The following TMEM268 variants were observed in gnomAD, a reference collection of about 807,000 sequenced individuals.
The protein encoded by TMEM268 is transmembrane protein C9orf91.
TMEM268 carries 24 observed loss-of-function variants against 39.1 expected under a neutral mutation model. The ratio of observed to expected loss-of-function variants is 0.61; its 90% CI spans 0.44 to 0.86. The LOEUF is 0.86. Ranked by LOEUF, TMEM268 falls within the 40% of genes least tolerant of loss-of-function variation. The pLI is 0.00. For synonymous variants in TMEM268, 176 were observed against 173.5 expected, an observed-to-expected ratio of 1.01 and a Z score of -0.12; for missense variants, 409 against 428.6, an observed-to-expected ratio of 0.95 and a Z score of 0.40.
At chr9:114,613,693 G>A (rs1845593626) in intron 1 of TMEM268, among the ~76,000 whole-genome samples, 1 of 152,230 alleles carries the variant, frequency 6.6e-6, no homozygotes, top group Non-Finnish European at 1.5e-5. Flanking sequence ...GGGCTGACTT[G>A]CATTTGTTGC....
chr9:114,643,016 A>G, intron 8 of TMEM268, 118 bp from the exon 9 acceptor site: 1 of 1,036,216 alleles, frequency 9.7e-7, no homozygotes, highest in Non-Finnish European at 1.4e-6. Context: ...TTCTTCCTAG[A>G]GAGCATCACT....
intron 2 of TMEM268, among the ~76,000 whole-genome samples, chr9:114,620,119 G>T (rs1845888520): frequency 6.6e-6 from 1 of 152,142 alleles, no homozygotes; most frequent in South Asian, 2.1e-4. Flanking sequence ...GGAGGCTGAG[G>T]CAGGAGAATT....
chr9:114,615,052 A>G (rs1177554244), intron 1 of TMEM268, among the ~76,000 whole-genome samples: 1 of 151,776 alleles, frequency 6.6e-6, no homozygotes, highest in African/African-American at 2.4e-5. Context: ...GCCTGCCACC[A>G]TGCCCGGCTA....
rs766286040 is a variant in TMEM268 at position 114,637,027 on chromosome 9, A to G, written c.623A>G (p.Gln208Arg). ...TACTTCGACCTGGAGAACTGTGTGCAGTTTTTGTCTGATCATGTTCAAGAA... is the reference window on the plus strand; with the variant it reads ...TACTTCGACCTGGAGAACTGTGTGCGGTTTTTGTCTGATCATGTTCAAGAA... ...FVYFDLENCV[Q>R]FLSDHVQEMK... The change falls in exon 7 of 9, where the codon CAG (glutamine) becomes CGG (arginine). Residue 208 changes from glutamine to arginine, a missense_variant. Physicochemically the swap from Gln to Arg is conservative, Grantham distance 43. Coordinates refer to ENST00000288502, the MANE Select transcript of TMEM268 (RefSeq NM_153045.4). 16 of 1,613,304 alleles carry G rather than the reference A, an allele frequency of 9.9e-6. No individual in the cohort carries two copies. The highest frequency in any genetic ancestry group is 1.3e-5 in the Non-Finnish European group (15 of 1,179,426).
At chr9:114,607,454 G>A (rs1422380398), upstream of TMEM268, among the ~76,000 whole-genome samples, 1 of 152,080 alleles carries the variant, frequency 6.6e-6, no homozygotes, top group Non-Finnish European at 1.5e-5. Flanking sequence ...TCAAGAGTTC[G>A]AGACCAGCTT....
chr9:114,637,738 G>A (rs949979516), intron 7 of TMEM268, among the ~76,000 whole-genome samples: 2 of 152,162 alleles, frequency 1.3e-5, no homozygotes, highest in Non-Finnish European at 2.9e-5. Flanking sequence ...TACAGAGGAG[G>A]AAACAGGCTC....
Position 114,637,064 on chromosome 9 carries a change from C to T in TMEM268, c.660C>T (p.Ser220=). The T allele has an allele frequency of 6.2e-7, 1 of 1,603,384 alleles. No individual in the cohort carries two copies. Among genetic ancestry groups the T allele is most frequent in the South Asian group, 1.1e-5 (1 of 90,736 alleles). ...LSDHVQEMKT[S]QESLLRSRLS... ...ATCATGTTCAAGAAATGAAGACTAGCCAAGAGGTAAGATATCTTCAGTGAA... is the reference window on the plus strand; with the variant it reads ...ATCATGTTCAAGAAATGAAGACTAGTCAAGAGGTAAGATATCTTCAGTGAA... The change falls in exon 7 of 9, where the codon AGC becomes AGT. Residue 220 remains serine (S), a synonymous_variant. Coordinates refer to ENST00000288502, the MANE Select transcript of TMEM268 (RefSeq NM_153045.4).
chr9:114,632,227 G>A (rs1846433500), intron 5 of TMEM268, among the ~76,000 whole-genome samples: 1 of 152,036 alleles, frequency 6.6e-6, no homozygotes, highest in Admixed American at 6.6e-5. Context: ...AATCCAGGCA[G>A]CCCAGGGGAC....
At chr9:114,610,570 C>A (rs1174744894), upstream of TMEM268, among the ~76,000 whole-genome samples, 2 of 152,092 alleles carry the variant, frequency 1.3e-5, no homozygotes, top group East Asian at 3.9e-4. Context: ...AGGAAAAATA[C>A]AAGGAAAGCA....
chr9:114,613,010 T>C lies in TMEM268; in HGVS notation c.-79+1446T>C, dbSNP rs1845565712. Among the ~76,000 whole-genome samples, 6 of 152,330 alleles carry C rather than the reference T, an allele frequency of 3.9e-5. No homozygotes were observed. In the South Asian group the frequency reaches 1.2e-3, roughly 32 times the overall value. Reference sequence around the variant, plus strand: ...ACTTGCCCAGTGCTATTTTGAGTGATTTACATGTGTGAACTCTTTAAACCT... The same window carrying C: ...ACTTGCCCAGTGCTATTTTGAGTGACTTACATGTGTGAACTCTTTAAACCT... On this transcript the variant is annotated intron_variant, in intron 1 of 8. Coordinates refer to ENST00000288502, the MANE Select transcript of TMEM268 (RefSeq NM_153045.4).
At position 114,645,572 on chromosome 9, in the gene TMEM268, A is replaced by G. The variant is rs1298774435; in HGVS notation, c.*2259A>G. On this transcript the variant is annotated 3_prime_UTR_variant, in exon 9 of 9. Transcript: ENST00000288502. ...GTGACCACTGTCTTTCTGACCTGGC[A>G]CAGAGGAAATGTTGGCTGTGAATGT... 6.6e-6 allele frequency: 1 copy of G among 152,380 alleles called. No homozygotes were observed. The highest frequency in any genetic ancestry group is 1.5e-5 in the Non-Finnish European group (1 of 68,046). The allele number at this position is 152,380 out of a possible 1,614,324, so 9.4% of individuals were successfully genotyped here. A position where few individuals can be genotyped will look rare whatever the true frequency, so the allele number is the denominator to read the frequency against.
chr9:114,630,647 C>T (rs1036314710), intron 5 of TMEM268, among the ~76,000 whole-genome samples: 1 of 152,188 alleles, frequency 6.6e-6, no homozygotes, highest in African/African-American at 2.4e-5. Flanking sequence ...GTAGCTCCCT[C>T]ATAGGGTTAT....
intron 4 of TMEM268, 95 bp from the exon 5 acceptor site, chr9:114,628,006 G>GAT: frequency 7.5e-7 from 1 of 1,338,406 alleles, no homozygotes; most frequent in Non-Finnish European, 1.1e-6. Flanking sequence ...ATCCAAGGAG[G>GAT]GTATCAGTAG....
intron 2 of TMEM268, among the ~76,000 whole-genome samples, chr9:114,621,432 A>T (rs938085910): frequency 6.6e-6 from 1 of 152,160 alleles, no homozygotes; most frequent in South Asian, 2.1e-4. Context: ...TCCTGTTTGT[A>T]TCAGATCAGG....
At chr9:114,635,669 AC>A (rs1332352285) in intron 6 of TMEM268, among the ~76,000 whole-genome samples, 6 of 152,148 alleles carry the variant, frequency 3.9e-5, no homozygotes, top group African/African-American at 1.2e-4. Flanking sequence ...CCAGAGTGAG[AC>A]CCTGTCTCAA....
chr9:114,638,831 G>A (rs983549616), intron 8 of TMEM268, 105 bp downstream of exon 8: 1 of 781,170 alleles, frequency 1.3e-6, no homozygotes, highest in Admixed American at 4.1e-5. Flanking sequence ...GCTTCTCTCA[G>A]TTAGTAGACA....
intron 2 of TMEM268, among the ~76,000 whole-genome samples, chr9:114,618,775 A>ATT (rs1845833102): frequency 6.6e-6 from 1 of 152,206 alleles, no homozygotes; most frequent in Non-Finnish European, 1.5e-5. Context: ...CCTCTGATAT[A>ATT]TTCCTGTTTC....
rs925830089 is a variant in TMEM268, at chr9:114,628,193, G to A, written c.417G>A (p.Leu139=). The A allele has an allele frequency of 3.7e-6, 6 of 1,614,060 alleles. No homozygotes were observed. In the African/African-American group the frequency reaches 5.3e-5, roughly 14 times the overall value. ...GGGCTGGCATGCTGCTCGTGACCCT[G>A]GCCGCGGTGAGCCTGACCTTGACTC... The part of the protein sequence containing the change: ...NHWAGMLLVT[L]AAVSLTLTLV... Residue 139 remains leucine, a synonymous_variant, in exon 5 of 9, where the codon CTG becomes CTA. Coordinates refer to ENST00000288502, the MANE Select transcript of TMEM268 (RefSeq NM_153045.4).
intron 1 of TMEM268, among the ~76,000 whole-genome samples, chr9:114,616,267 G>A (rs534701951): frequency 9.9e-5 from 15 of 151,524 alleles, no homozygotes; most frequent in South Asian, 8.3e-4. Flanking sequence ...TGCCAGCCTC[G>A]GCCTCCCAAA....
Sources: gnomAD v4.1 joint callset for allele counts (sites outside exome capture counted in the v4.1 genomes callset) on GRCh38, gnomAD v4.1.1 for gene constraint, MANE v1.5 for transcripts, NCBI Gene and HGNC (gene_info 2026-07-23, HGNC 2026-07-21) for gene names.